The following ARHGEF37 variants were observed in gnomAD, a reference collection of about 807,000 sequenced individuals.
ARHGEF37 encodes the protein Rho guanine nucleotide exchange factor (GEF) 37.
Under a neutral mutation model 71.1 loss-of-function variants are expected in ARHGEF37, and 55 were observed. The observed-to-expected ratio is 0.77, with a 90% CI of 0.62 to 0.97. The LOEUF (loss-of-function observed/expected upper bound fraction) is 0.97, where lower values mean the gene tolerates loss of function less well. Ranked by LOEUF, ARHGEF37 falls within the 50% of genes least tolerant of loss-of-function variation. ARHGEF37 has a pLI of 0.00. For missense variants in ARHGEF37, 765 were observed against 836.8 expected, an observed-to-expected ratio of 0.91 and a Z score of 1.06; for synonymous variants, 327 against 350.6, an observed-to-expected ratio of 0.93 and a Z score of 0.75.
At chr5:149,571,073 G>C (rs1762957181) in intron 1 of ARHGEF37, among the ~76,000 whole-genome samples, 1 of 151,752 alleles carries the variant, frequency 6.6e-6, no homozygotes, top group South Asian at 2.1e-4. Context: ...CTCCCAAGTA[G>C]CTGGGATTGC....
chr5:149,553,119 C>CCT (rs1762707171), intron 1 of ARHGEF37, among the ~76,000 whole-genome samples: 1 of 151,714 alleles, frequency 6.6e-6, no homozygotes. Context: ...AAAATGCAGC[C>CCT]GGGCATGGTG....
At chr5:149,576,452 G>A (rs1432118427) in intron 1 of ARHGEF37, among the ~76,000 whole-genome samples, 3 of 152,148 alleles carry the variant, frequency 2.0e-5, no homozygotes, top group African/African-American at 2.4e-5. Flanking sequence ...TTATCTTTTA[G>A]TATCATCTAG....
rs149642160 is a variant in ARHGEF37 at position 149,610,396 on chromosome 5, A to G, written c.458+701A>G. ...ACCAATGGGTAGAAGCCTCAGGTAG[A>G]AAAATGTAGAGAATATGTATTCGAA... On this transcript the variant is annotated intron_variant, in intron 4 of 12. Coordinates refer to ENST00000333677, the MANE Select transcript of ARHGEF37 (RefSeq NM_001001669.3). Among the ~76,000 whole-genome samples the G allele has an allele frequency of 1.2e-3, 183 of 152,358 alleles. 4 individuals are homozygous for G. In the East Asian group the frequency reaches 0.024, roughly 20 times the overall value.
intron 3 of ARHGEF37, among the ~76,000 whole-genome samples, chr5:149,608,058 G>C (rs916272646): frequency 2.5e-4 from 38 of 151,848 alleles, no homozygotes; most frequent in African/African-American, 9.0e-4. Flanking sequence ...ATGAGCCACC[G>C]GGCCCGGCCT....
chr5:149,623,357 T>C (rs894593830), intron 9 of ARHGEF37, among the ~76,000 whole-genome samples: 2 of 152,164 alleles, frequency 1.3e-5, no homozygotes, highest in African/African-American at 4.8e-5. Context: ...CTTTTTCTCT[T>C]TTTGGCCCTC....
chr5:149,580,308 C>G (rs1021052439), upstream of ARHGEF37, among the ~76,000 whole-genome samples: 9 of 152,082 alleles, frequency 5.9e-5, no homozygotes, highest in African/African-American at 2.2e-4. Context: ...ATCTGCCCCC[C>G]CCTCAGCTTC....
rs2113406338 is a variant in ARHGEF37 at position 149,632,500 on chromosome 5, C to T, written c.*309C>T. The T allele has an allele frequency of 5.6e-6, 2 of 354,636 alleles. No homozygotes were observed. The highest frequency in any genetic ancestry group is 1.1e-5 in the Non-Finnish European group (2 of 187,522). 22.0% of individuals were successfully genotyped at this position (354,636 alleles called of 1,614,324 possible). On this transcript the variant is annotated 3_prime_UTR_variant, in exon 13 of 13. Transcript: ENST00000333677. ...GGCCAGGACTCTCCATAGGTTATGG[C>T]CAGTCTTAGCTGTGCCTGCATCCGG... is the stretch of plus-strand genomic sequence containing the variant.
Position 149,597,781 on chromosome 5 carries a change from T to G in ARHGEF37, c.12T>G (p.His4Gln). The change falls in exon 2 of 13, where the codon CAT (histidine) becomes CAG (glutamine). Residue 4 changes from histidine (H) to glutamine (Q), a missense_variant. Coordinates refer to ENST00000333677, the MANE Select transcript of ARHGEF37 (RefSeq NM_001001669.3). MAK[H>Q]GADEPSSRSG... The stretch of plus-strand genomic sequence containing the variant: ...CAGAACCTGCTGACATGGCCAAGCA[T>G]GGAGCCGACGAGCCATCCTCCAGGT... 3 of 1,562,706 alleles carry G rather than the reference T, an allele frequency of 1.9e-6. No individual in the cohort carries two copies.
Position 149,622,057 on chromosome 5 carries a change from GC to G in ARHGEF37, c.1333del (p.Gln445SerfsTer58), listed in dbSNP as rs1561807977. 6.2e-7 allele frequency: 1 copy of G among 1,606,522 alleles called. No homozygotes were observed. Among genetic ancestry groups the G allele is most frequent in the Non-Finnish European group, 8.5e-7 (1 of 1,175,562 alleles). On this transcript the variant is annotated frameshift_variant, in exon 9 of 13. Coordinates refer to ENST00000333677, the MANE Select transcript of ARHGEF37 (RefSeq NM_001001669.3). LOFTEE classifies it high-confidence loss of function. Reference sequence around the variant, plus strand: ...GCTGCAGAGGGCAGAGGGAAGCATGGCCCAGGTAAGGCCTCTGAGACTTGGA... The same window carrying G: ...GCTGCAGAGGGCAGAGGGAAGCATGGCCAGGTAAGGCCTCTGAGACTTGGA... ...QVLQRAEGSM[A>X]QLPHHHVPEP...
chr5:149,629,769 C>T (rs929240027), intron 12 of ARHGEF37, among the ~76,000 whole-genome samples: 7 of 152,316 alleles, frequency 4.6e-5, no homozygotes, highest in Admixed American at 2.0e-4. Context: ...TTATTCATTG[C>T]AGCCAAAAAG....
At chr5:149,591,795 A>AT (rs1405092460) in intron 1 of ARHGEF37, among the ~76,000 whole-genome samples, 11 of 152,150 alleles carry the variant, frequency 7.2e-5, no homozygotes, top group African/African-American at 2.7e-4. Context: ...TATAAAACAG[A>AT]TTTTTGTATT....
chr5:149,618,316 C>T lies in ARHGEF37; in HGVS notation c.789+10C>T, dbSNP rs371883851. ...GGGGCTGATCCCCAGGGTGAGCGTG[C>T]GCCTGGGAGGAAGAGTCACATCCAG... On this transcript the variant is annotated intron_variant, in intron 6 of 12. Coordinates refer to ENST00000333677, the MANE Select transcript of ARHGEF37 (RefSeq NM_001001669.3). The T allele has an allele frequency of 2.0e-4, 324 of 1,613,886 alleles. 1 individual carries two copies. Among genetic ancestry groups the T allele is most frequent in the South Asian group, 2.0e-3 (181 of 91,050 alleles).
chr5:149,592,285 A>G (rs1763430226), intron 1 of ARHGEF37, among the ~76,000 whole-genome samples: 2 of 152,198 alleles, frequency 1.3e-5, no homozygotes, highest in South Asian at 2.1e-4. Context: ...CTCTGTTACT[A>G]TTCTTTTATA....
chr5:149,603,141 C>G (rs1027457998), intron 3 of ARHGEF37, among the ~76,000 whole-genome samples: 1 of 152,008 alleles, frequency 6.6e-6, no homozygotes, highest in South Asian at 2.1e-4. Context: ...CCATGTTGGC[C>G]AGGCTGGTCT....
intron 1 of ARHGEF37, among the ~76,000 whole-genome samples, chr5:149,584,574 T>C (rs992955531): frequency 1.3e-5 from 2 of 152,192 alleles, no homozygotes; most frequent in African/African-American, 4.8e-5. Context: ...TTTCTAATTT[T>C]GACTATAAAC....
intron 1 of ARHGEF37, among the ~76,000 whole-genome samples, chr5:149,572,126 G>C (rs1274261688): frequency 1.3e-5 from 2 of 152,100 alleles, no homozygotes; most frequent in African/African-American, 4.8e-5. Context: ...ACTGAATAGA[G>C]AGTCCAGAAA....
chr5:149,602,806 A>G lies in ARHGEF37; in HGVS notation c.310+1575A>G, dbSNP rs559410635. On this transcript the variant is annotated intron_variant, in intron 3 of 12. Coordinates refer to ENST00000333677, the MANE Select transcript of ARHGEF37 (RefSeq NM_001001669.3). ...GGTGTCAGATTCACTACAGTGGCAG[A>G]AAGGAGGAGGAGATGAAGGTACCCA... 2.0e-5 allele frequency among the ~76,000 whole-genome samples: 3 copies of G among 152,280 alleles called. No individual in the cohort carries two copies. The South Asian group carries it at 6.2e-4, about 32-fold the overall frequency.
chr5:149,602,878 C>T (rs1763796982), intron 3 of ARHGEF37, among the ~76,000 whole-genome samples: 1 of 152,152 alleles, frequency 6.6e-6, no homozygotes, highest in Admixed American at 6.5e-5. Flanking sequence ...ATCTTCTAAC[C>T]TTTCCTGAAC....
chr5:149,572,605 T>C (rs1228206915), intron 1 of ARHGEF37, among the ~76,000 whole-genome samples: 1 of 152,234 alleles, frequency 6.6e-6, no homozygotes, highest in African/African-American at 2.4e-5. Context: ...GTCCTGATAG[T>C]TGGTCAAACA....
Sources: allele counts gnomAD v4.1 joint callset (sites outside exome capture counted in the v4.1 genomes callset), GRCh38; gene constraint gnomAD v4.1.1; transcripts MANE v1.5; gene names NCBI Gene and HGNC (gene_info 2026-07-23, HGNC 2026-07-21).